ZNF469: variants seen among roughly 807,000 people sequenced by gnomAD.
ZNF469 encodes the protein zinc finger protein 469.
Under a neutral mutation model 1.0 loss-of-function variants are expected in ZNF469, and 1 was observed. That is an observed-to-expected ratio of 1.00 (90% CI 0.35 to 4.73). ZNF469 has a LOEUF of 4.73. Ranked by LOEUF, ZNF469 falls within the 30% of genes most tolerant of loss-of-function variation. ZNF469 has a pLI of 0.16. For synonymous variants in ZNF469, 2,703 were observed against 2,363.4 expected, an observed-to-expected ratio of 1.14 and a Z score of -4.17; for missense variants, 6,100 against 5,356.3, an observed-to-expected ratio of 1.14 and a Z score of -4.33.
chr16:88,225,625 C>A, the ZNF469 span, among the ~76,000 whole-genome samples: 1 of 152,260 alleles, frequency 6.6e-6, no homozygotes, highest in Admixed American at 6.5e-5. Context: ...AACCCCACCC[C>A]CAAGGCCATG....
the ZNF469 span, among the ~76,000 whole-genome samples, chr16:88,335,301 A>G: frequency 3.3e-5 from 5 of 152,208 alleles, no homozygotes; most frequent in Non-Finnish European, 7.3e-5. Context: ...TGGTTAGTAC[A>G]TATCTGGATG....
the ZNF469 span, among the ~76,000 whole-genome samples, chr16:88,251,717 C>G: frequency 2.6e-5 from 4 of 151,654 alleles, no homozygotes; most frequent in African/African-American, 9.7e-5. Flanking sequence ...TACCACCACA[C>G]CTGGCTAATT....
At chr16:88,248,526 C>A in the ZNF469 span, among the ~76,000 whole-genome samples, 2 of 143,146 alleles carry the variant, frequency 1.4e-5, no homozygotes, top group South Asian at 5.2e-4. Context: ...AGTGAGACCC[C>A]TGTCTCAAAA....
chr16:88,316,105 G>A, the ZNF469 span, among the ~76,000 whole-genome samples: 105 of 152,340 alleles, frequency 6.9e-4, no homozygotes, highest in African/African-American at 2.3e-3. Flanking sequence ...AGGGCCGGCC[G>A]CCCCTCACTA....
chr16:88,393,994 G>C (rs1055474217), intron 1 of ZNF469, among the ~76,000 whole-genome samples: 13 of 152,050 alleles, frequency 8.5e-5, no homozygotes, highest in Non-Finnish European at 1.3e-4. Context: ...TGTGCTATCC[G>C]AGAGGAGCGG....
the ZNF469 span, among the ~76,000 whole-genome samples, chr16:88,155,691 T>C: frequency 1.3e-5 from 2 of 152,238 alleles, no homozygotes; most frequent in African/African-American, 4.8e-5. Context: ...CCACAGTTTA[T>C]GCATGAATTT....
At chr16:88,362,298 G>C in the ZNF469 span, among the ~76,000 whole-genome samples, 4 of 152,142 alleles carry the variant, frequency 2.6e-5, no homozygotes, top group Non-Finnish European at 4.4e-5. Context: ...AAAGAGCTTT[G>C]CTCCCATCCT....
At chr16:88,338,205 G>A in the ZNF469 span, among the ~76,000 whole-genome samples, 1 of 152,350 alleles carries the variant, frequency 6.6e-6, no homozygotes, top group Middle Eastern at 3.4e-3. Flanking sequence ...CCAATCGCCT[G>A]GGGAGAGACC....
At chr16:88,375,254 C>T in the ZNF469 span, among the ~76,000 whole-genome samples, 45 of 152,374 alleles carry the variant, frequency 3.0e-4, no homozygotes, top group Non-Finnish European at 5.3e-4. Context: ...CTGGGCCGCC[C>T]TGAGGGCCTG....
At chr16:88,252,686 A>G in the ZNF469 span, among the ~76,000 whole-genome samples, 1 of 152,260 alleles carries the variant, frequency 6.6e-6, no homozygotes, top group Non-Finnish European at 1.5e-5. Flanking sequence ...AATAAAGTAT[A>G]TATACACGCA....
At chr16:88,236,767 T>C in the ZNF469 span, among the ~76,000 whole-genome samples, 1 of 151,642 alleles carries the variant, frequency 6.6e-6, no homozygotes, top group Non-Finnish European at 1.5e-5. Context: ...CTCTGGAGGC[T>C]GAGGCAAGAG....
chr16:88,108,820 T>C, the ZNF469 span, among the ~76,000 whole-genome samples: 1 of 152,190 alleles, frequency 6.6e-6, no homozygotes, highest in East Asian at 1.9e-4. Context: ...GGGAGTCCAG[T>C]GCCATGTGCC....
the ZNF469 span, among the ~76,000 whole-genome samples, chr16:88,138,986 G>A: frequency 6.6e-6 from 1 of 152,238 alleles, no homozygotes; most frequent in Non-Finnish European, 1.5e-5. Flanking sequence ...GCTGACAGGG[G>A]GGACCCTGTC....
At chr16:88,321,035 T>C in the ZNF469 span, among the ~76,000 whole-genome samples, 2 of 152,214 alleles carry the variant, frequency 1.3e-5, no homozygotes, top group African/African-American at 2.4e-5. Context: ...GTATGAAATG[T>C]TGGGGTCAGG....
chr16:88,309,479 TCGG>T, the ZNF469 span, among the ~76,000 whole-genome samples: 1 of 139,366 alleles, frequency 7.2e-6, no homozygotes, highest in South Asian at 2.5e-4. Context: ...AGGTCCCCTC[TCGG>T]TGTTCAGGAC....
At chr16:88,370,541 C>G in the ZNF469 span, among the ~76,000 whole-genome samples, 1 of 152,170 alleles carries the variant, frequency 6.6e-6, no homozygotes, top group South Asian at 2.1e-4. Flanking sequence ...TCACCCACGT[C>G]TGGGTTCCTC....
chr16:88,391,660 G>A (rs764908097), intron 1 of ZNF469, among the ~76,000 whole-genome samples: 5 of 152,254 alleles, frequency 3.3e-5, no homozygotes, highest in Non-Finnish European at 5.9e-5. Flanking sequence ...GAGGCGGCGG[G>A]GAGCAGTGCG....
chr16:88,280,125 C>T, the ZNF469 span, among the ~76,000 whole-genome samples: 1 of 151,770 alleles, frequency 6.6e-6, no homozygotes, highest in African/African-American at 2.4e-5. Context: ...CTGTGCCATG[C>T]TGACGCTCGG....
At chr16:88,172,281 C>G in the ZNF469 span, among the ~76,000 whole-genome samples, 1 of 152,104 alleles carries the variant, frequency 6.6e-6, no homozygotes, top group Non-Finnish European at 1.5e-5. Context: ...AACACCCACC[C>G]GAAAGGAGCA....
Sources: allele counts gnomAD v4.1 joint callset (sites outside exome capture counted in the v4.1 genomes callset), GRCh38; gene constraint gnomAD v4.1.1; transcripts MANE v1.5; gene names NCBI Gene and HGNC (gene_info 2026-07-23, HGNC 2026-07-21).